The following FAM131B variants were observed in gnomAD, a reference collection of about 807,000 sequenced individuals.
The protein encoded by FAM131B is family with sequence similarity 131 member B, also known as protein FAM131B.
In FAM131B, 19 loss-of-function variants were observed where a neutral mutation model predicts 42.0. That is an observed-to-expected ratio of 0.45 (90% confidence interval 0.32 to 0.66). The LOEUF is 0.66. FAM131B is among the 30% of genes least tolerant of loss of function. The probability of loss-of-function intolerance (pLI) is 0.05; values close to 1 mark genes in which losing one functional copy is unlikely to be tolerated. For missense variants in FAM131B, 370 were observed against 468.4 expected (o/e 0.79, Z 1.94); for synonymous variants, 183 against 177.6 (o/e 1.03, Z -0.24).
chr7:143,381,448 G>A, the FAM131B span: 3 of 1,292,292 alleles, frequency 2.3e-6, no homozygotes. Context: ...CCACGGGGAG[G>A]GGGCGCGGGG....
chr7:143,366,441 C>T (rs1431556818), upstream of FAM131B, among the ~76,000 whole-genome samples: 1 of 152,062 alleles, frequency 6.6e-6, no homozygotes, highest in Admixed American at 6.6e-5. Context: ...CCTAGTGGTT[C>T]TCAAATACCC....
chr7:143,381,327 G>A, the FAM131B span: 1 of 1,128,162 alleles, frequency 8.9e-7, no homozygotes, highest in Non-Finnish European at 1.1e-6. Flanking sequence ...CCGGCTGGAG[G>A]CTGCTCCGGA....
chr7:143,364,940 A>G (rs1296952810), upstream of FAM131B, among the ~76,000 whole-genome samples: 1 of 152,240 alleles, frequency 6.6e-6, no homozygotes, highest in Non-Finnish European at 1.5e-5. Flanking sequence ...TGGGGTCCCC[A>G]GGAATAATTG....
At position 143,359,395 on chromosome 7, in the gene FAM131B, T is replaced by C; in HGVS notation, c.199A>G (p.Ile67Val). The C allele has an allele frequency of 6.2e-7, 1 of 1,613,632 alleles. No homozygotes were observed. Among genetic ancestry groups the C allele is most frequent in the Non-Finnish European group, 8.5e-7 (1 of 1,179,914 alleles). Reference sequence around the variant, plus strand: ...GAGTTTCGCTTAAGCTTCGGAAGAATGGAAGTGGTGTCCTCCATGGAGAGC... The same window carrying C: ...GAGTTTCGCTTAAGCTTCGGAAGAACGGAAGTGGTGTCCTCCATGGAGAGC... ...INLSMEDTTS[I>V]LPKLKRNSNA... Residue 67 changes from isoleucine to valine, a missense_variant, in exon 4 of 7, where the codon ATT becomes GTT. By Grantham distance (29) the Ile-to-Val change is conservative. Coordinates refer to ENST00000443739, the MANE Select transcript of FAM131B (RefSeq NM_001031690.3). The surrounding 1 kb of genome is among the most constrained non-coding windows in gnomAD (Gnocchi z 5.4).
At position 143,358,996 on chromosome 7, in the gene FAM131B, C is replaced by T; in HGVS notation, c.297G>A (p.Val99=). Residue 99 remains valine (V), a synonymous_variant, in exon 5 of 7, where the codon GTG becomes GTA. Coordinates refer to ENST00000443739, the MANE Select transcript of FAM131B (RefSeq NM_001031690.3). The surrounding 1 kb of genome is among the most constrained non-coding windows in gnomAD (Gnocchi z 4.7). ...CTTGCCCCATGGCTGTGGGCTTTGTCACATGGTCCTTCATGCTCCGTGAGA... is the reference window on the plus strand; with the variant it reads ...CTTGCCCCATGGCTGTGGGCTTTGTTACATGGTCCTTCATGCTCCGTGAGA... ...SGISRSMKDH[V]TKPTAMGQGR... is the part of the protein sequence containing the mutation. 1.9e-6 allele frequency: 3 copies of T among 1,613,938 alleles called. No homozygotes were observed. Among genetic ancestry groups the T allele is most frequent in the Non-Finnish European group, 2.5e-6 (3 of 1,180,004 alleles).
At chr7:143,357,936 G>A (rs79172074) in intron 5 of FAM131B, among the ~76,000 whole-genome samples, 6,919 of 152,260 alleles carry the variant, frequency 0.045, 244 homozygotes, top group Non-Finnish European at 0.074. Flanking sequence ...TATCCTAAGA[G>A]ATTCAAATTC....
rs547383970 is a variant in FAM131B, at chr7:143,358,722, G to A, written c.466+105C>T. 1.6e-5 allele frequency: 13 copies of A among 820,624 alleles called. No individual in the cohort carries two copies. Among genetic ancestry groups the A allele is most frequent in the Admixed American group, 6.5e-5 (3 of 46,434 alleles). 50.8% of individuals were successfully genotyped at this position (820,624 alleles called of 1,614,324 possible). A position where few individuals can be genotyped will look rare whatever the true frequency, so the allele number is the denominator to read the frequency against. On this transcript the variant is annotated intron_variant, in intron 5 of 6. Coordinates refer to ENST00000443739, the MANE Select transcript of FAM131B (RefSeq NM_001031690.3). The surrounding 1 kb of genome is among the most constrained non-coding windows in gnomAD (Gnocchi z 4.7). ...AGCTGTTTGGGAAATGTGAATCTACGGTCAAAGTATGGATGGAGCTAATCC... is the reference window on the plus strand; with the variant it reads ...AGCTGTTTGGGAAATGTGAATCTACAGTCAAAGTATGGATGGAGCTAATCC...
the FAM131B span, chr7:143,381,824 TGGGGGGCAG>T: frequency 2.0e-6 from 3 of 1,472,704 alleles, no homozygotes; most frequent in Non-Finnish European, 2.7e-6. Context: ...GGAGCCGGGG[TGGGGGGCAG>T]TCGTTTCGGG....
rs1352062776 is a variant in FAM131B at position 143,358,060 on chromosome 7, A to G, written c.467-637T>C. On this transcript the variant is annotated intron_variant, in intron 5 of 6. Coordinates refer to ENST00000443739, the MANE Select transcript of FAM131B (RefSeq NM_001031690.3). This position sits in a 1 kb window ranked among gnomAD's most constrained non-coding sequence, Gnocchi z 4.7. ...CATCGTGGGCTTGTGGGTCCACCAT[A>G]ATATAAAACTGAAATTCAAGGGATT... Among the ~76,000 whole-genome samples, 1 of 152,172 alleles carries G rather than the reference A, an allele frequency of 6.6e-6. No homozygotes were observed. The highest frequency in any genetic ancestry group is 1.5e-5 in the Non-Finnish European group (1 of 68,012).
At chr7:143,376,401 G>A in the FAM131B span, among the ~76,000 whole-genome samples, 11 of 152,162 alleles carry the variant, frequency 7.2e-5, no homozygotes, top group Non-Finnish European at 1.2e-4. Flanking sequence ...GAAATTAACT[G>A]GTAAATGTTG....
At chr7:143,367,212 G>C (rs1045723170), upstream of FAM131B, among the ~76,000 whole-genome samples, 1 of 152,206 alleles carries the variant, frequency 6.6e-6, no homozygotes, top group Non-Finnish European at 1.5e-5. Flanking sequence ...AGTTATAGAG[G>C]ATGAGAGGGT....
chr7:143,380,085 C>G, the FAM131B span: 1 of 985,128 alleles, frequency 1.0e-6, no homozygotes, highest in Non-Finnish European at 1.2e-6. The surrounding 1 kb of genome is among the most constrained non-coding windows in gnomAD (Gnocchi z 5.0). Flanking sequence ...GTGAACAAGA[C>G]GAAGGCCTCA....
chr7:143,362,743 A>G, upstream of FAM131B: 1 of 274,804 alleles, frequency 3.6e-6, no homozygotes, highest in Non-Finnish European at 6.2e-6. This position sits in a 1 kb window ranked among gnomAD's most constrained non-coding sequence, Gnocchi z 7.7. Flanking sequence ...TCCCCTCTCC[A>G]TCCCTCCCCA....
Position 143,359,219 on chromosome 7 carries a change from G to T in FAM131B, c.268+107C>A. On this transcript the variant is annotated intron_variant, in intron 4 of 6. Transcript: ENST00000443739. The surrounding 1 kb of genome is among the most constrained non-coding windows in gnomAD (Gnocchi z 5.4). ...CTTGACAGAAGGGTGAATAGGTCAGGGGGTGGGGATGAGGGTCTTCATCAA... is the reference window on the plus strand; with the variant it reads ...CTTGACAGAAGGGTGAATAGGTCAGTGGGTGGGGATGAGGGTCTTCATCAA... 9.7e-7 allele frequency: 1 copy of T among 1,033,132 alleles called. No homozygotes were observed. The highest frequency in any genetic ancestry group is 1.4e-5 in the South Asian group (1 of 72,052). The allele number at this position is 1,033,132 out of a possible 1,614,324, so 64.0% of individuals were successfully genotyped here.
chr7:143,364,189 A>G (rs1007724808), upstream of FAM131B: 2 of 151,984 alleles, frequency 1.3e-5, no homozygotes, highest in African/African-American at 4.8e-5. Context: ...TTCTTTTTTC[A>G]TATCTACTAT....
In FAM131B at chr7:143,356,139, A is replaced by C; in HGVS notation, c.*411T>G. The C allele has an allele frequency of 5.2e-6, 1 of 193,948 alleles. No homozygotes were observed. The allele number at this position is 193,948 out of a possible 1,614,324, so 12.0% of individuals were successfully genotyped here. ...TGGGAAAAGCAAGAGTGAAATGGAG[A>C]AAGGAGGCATTCAGACAGCAGAGTT... On this transcript the variant is annotated 3_prime_UTR_variant, in exon 7 of 7. Coordinates refer to ENST00000443739, the MANE Select transcript of FAM131B (RefSeq NM_001031690.3). This position sits in a 1 kb window ranked among gnomAD's most constrained non-coding sequence, Gnocchi z 4.4.
chr7:143,371,295 A>C, the FAM131B span, among the ~76,000 whole-genome samples: 5 of 152,116 alleles, frequency 3.3e-5, no homozygotes, highest in Admixed American at 2.0e-4. Flanking sequence ...TGATATATTT[A>C]AGGTGATAAT....
rs758138659 is a variant in FAM131B at position 143,360,159 on chromosome 7, C to T, written c.29-10G>A. On this transcript the variant is annotated splice_polypyrimidine_tract_variant and intron_variant, in intron 1 of 6. Transcript: ENST00000443739. Reference sequence around the variant, plus strand: ...GCAATCACCTCATTCCCTGAGGGGGCCAGAAGGTTAGCCGCCGGCCCTCAC... The same window carrying T: ...GCAATCACCTCATTCCCTGAGGGGGTCAGAAGGTTAGCCGCCGGCCCTCAC... The T allele has an allele frequency of 6.2e-7, 1 of 1,600,852 alleles. No homozygotes were observed. The highest frequency in any genetic ancestry group is 1.1e-5 in the South Asian group (1 of 88,990).
At chr7:143,374,369 T>G in the FAM131B span, among the ~76,000 whole-genome samples, 1 of 152,104 alleles carries the variant, frequency 6.6e-6, no homozygotes, top group Non-Finnish European at 1.5e-5. Flanking sequence ...TGTGGACGAG[T>G]TCATGTCCTA....
Sources: allele counts gnomAD v4.1 joint callset (sites outside exome capture counted in the v4.1 genomes callset), GRCh38; gene constraint gnomAD v4.1.1; non-coding constraint Gnocchi (gnomAD v3.1); transcripts MANE v1.5; gene names NCBI Gene and HGNC (gene_info 2026-07-23, HGNC 2026-07-21).